The following SOX6 variants were observed in gnomAD, a reference collection of about 807,000 sequenced individuals.
SOX6 encodes transcription factor SOX-6.
Under a neutral mutation model 97.8 loss-of-function variants are expected in SOX6, and 11 were observed. That is an observed-to-expected ratio of 0.11 (90% CI 0.07 to 0.19). The LOEUF is 0.19. Ranked by LOEUF, SOX6 falls within the 10% of genes least tolerant of loss-of-function variation. The pLI is 1.00. For missense variants in SOX6, 810 were observed against 1,039.5 expected, an observed-to-expected ratio of 0.78 and a Z score of 3.04; for synonymous variants, 360 against 371.4, an observed-to-expected ratio of 0.97 and a Z score of 0.35.
rs117818399 is a variant in SOX6 at position 16,547,685 on chromosome 11, C to T, written n.609+64396G>A. Among the ~76,000 whole-genome samples the T allele has an allele frequency of 4.0e-3, 607 of 151,890 alleles. 15 individuals are homozygous for T. In the East Asian group the frequency reaches 0.052, roughly 13 times the overall value. On this transcript the variant is annotated intron_variant and non_coding_transcript_variant, in intron 4 of 5. Transcript: ENST00000524520. ...TGGTTAATGGGTACAAACAGAGAGA[C>T]AAATAGAAGGAATAAATTCTAATGT... is the stretch of plus-strand genomic sequence containing the variant.
intron 6 of SOX6, among the ~76,000 whole-genome samples, chr11:16,155,428 C>T (rs1279025941): frequency 6.6e-6 from 1 of 152,070 alleles, no homozygotes; most frequent in African/African-American, 2.4e-5. Context: ...GTATCTAGAG[C>T]CTTAGAATAG....
chr11:16,109,484 G>A (rs1849175670), intron 7 of SOX6, among the ~76,000 whole-genome samples: 1 of 152,062 alleles, frequency 6.6e-6, no homozygotes. Context: ...TTACAGGCAT[G>A]AGCCACCACA....
intron 3 of SOX6, among the ~76,000 whole-genome samples, chr11:16,693,702 AAATGT>A (rs1291879137): frequency 6.6e-6 from 1 of 152,188 alleles, no homozygotes; most frequent in Non-Finnish European, 1.5e-5. Context: ...TCCTGGATGT[AAATGT>A]AATGGTTCCC....
At chr11:16,387,590 A>G (rs1858028591) in intron 1 of SOX6, among the ~76,000 whole-genome samples, 1 of 152,104 alleles carries the variant, frequency 6.6e-6, no homozygotes, top group East Asian at 1.9e-4. Context: ...CTTTACAAAA[A>G]TGGCCTTTGT....
At chr11:16,470,584 G>A (rs1411767942) in intron 1 of SOX6, among the ~76,000 whole-genome samples, 2 of 152,060 alleles carry the variant, frequency 1.3e-5, no homozygotes, top group Non-Finnish European at 2.9e-5. Flanking sequence ...TGGTAGAAGC[G>A]TCTCTACAAT....
intron 3 of SOX6, among the ~76,000 whole-genome samples, chr11:16,684,942 T>A (rs1847957952): frequency 6.6e-6 from 1 of 151,920 alleles, no homozygotes. Context: ...GTACCAGACG[T>A]GTCACATGGC....
At chr11:16,515,029 C>A (rs529266626) in intron 4 of SOX6, among the ~76,000 whole-genome samples, 3 of 151,646 alleles carry the variant, frequency 2.0e-5, no homozygotes, top group Non-Finnish European at 4.4e-5. Context: ...GTCTTTATAG[C>A]AGCATGATTT....
chr11:16,206,035 T>C (rs1852062753), intron 4 of SOX6, among the ~76,000 whole-genome samples: 1 of 152,020 alleles, frequency 6.6e-6, no homozygotes, highest in Non-Finnish European at 1.5e-5. Context: ...ATTAATATTT[T>C]GGTAGCATTA....
intron 3 of SOX6, among the ~76,000 whole-genome samples, chr11:16,615,741 A>G (rs1025467925): frequency 1.3e-5 from 2 of 152,214 alleles, no homozygotes; most frequent in African/African-American, 4.8e-5. Flanking sequence ...AAATATATCT[A>G]TTTATTAAGG....
intron 9 of SOX6, among the ~76,000 whole-genome samples, chr11:16,077,527 A>G (rs1297525300): frequency 6.6e-6 from 1 of 152,088 alleles, no homozygotes. Context: ...TTGCAGCACT[A>G]CTCACAATAG....
chr11:16,164,883 C>A (rs1427770331), intron 6 of SOX6, among the ~76,000 whole-genome samples: 1 of 151,646 alleles, frequency 6.6e-6, no homozygotes, highest in Non-Finnish European at 1.5e-5. Context: ...AACAGTATGT[C>A]TCATATTTCC....
intron 6 of SOX6, among the ~76,000 whole-genome samples, chr11:16,176,855 A>G (rs890533453): frequency 6.6e-6 from 1 of 151,950 alleles, no homozygotes; most frequent in Non-Finnish European, 1.5e-5. Context: ...TCAGGCATCA[A>G]GAAACCTGGG....
At chr11:16,168,512 A>G (rs1850944870) in intron 6 of SOX6, among the ~76,000 whole-genome samples, 1 of 152,172 alleles carries the variant, frequency 6.6e-6, no homozygotes, top group Non-Finnish European at 1.5e-5. Context: ...TAGCTTAGAC[A>G]TTAGTTTAAG....
At chr11:16,551,009 G>A (rs1261296373) in intron 4 of SOX6, among the ~76,000 whole-genome samples, 1 of 152,048 alleles carries the variant, frequency 6.6e-6, no homozygotes, top group African/African-American at 2.4e-5. Context: ...CTTGAGTCTA[G>A]CAGTTTGAGA....
chr11:16,145,291 A>T (rs928984195), intron 6 of SOX6, among the ~76,000 whole-genome samples: 25 of 152,190 alleles, frequency 1.6e-4, no homozygotes, highest in Admixed American at 4.6e-4. Context: ...CCTTTGACAA[A>T]ATTCAACAGC....
chr11:16,330,939 C>T (rs900663952), intron 2 of SOX6, among the ~76,000 whole-genome samples: 2 of 152,046 alleles, frequency 1.3e-5, no homozygotes, highest in Admixed American at 6.6e-5. Context: ...GGAACCCCTA[C>T]CAAACAAAAA....
At chr11:16,172,782 C>G (rs1428644575) in intron 6 of SOX6, among the ~76,000 whole-genome samples, 3 of 152,026 alleles carry the variant, frequency 2.0e-5, no homozygotes, top group South Asian at 2.1e-4. Flanking sequence ...AAGTCATTTG[C>G]TGCAGGACAG....
chr11:16,168,657 T>C (rs1291694782), intron 6 of SOX6, among the ~76,000 whole-genome samples: 1 of 152,142 alleles, frequency 6.6e-6, no homozygotes, highest in Non-Finnish European at 1.5e-5. Flanking sequence ...CCAAGTCACA[T>C]AGTCACCATT....
chr11:16,678,547 G>A (rs759368822), intron 3 of SOX6, among the ~76,000 whole-genome samples: 3 of 152,166 alleles, frequency 2.0e-5, no homozygotes. Flanking sequence ...ACAGAAGATG[G>A]GTGATTTCTG....
Sources: gnomAD v4.1 joint callset for allele counts (sites outside exome capture counted in the v4.1 genomes callset) on GRCh38, gnomAD v4.1.1 for gene constraint, MANE v1.5 for transcripts, NCBI Gene and HGNC (gene_info 2026-07-23, HGNC 2026-07-21) for gene names.